Variants in ZFHX3 observed in about 807,000 individuals in gnomAD.
ZFHX3 encodes zinc finger homeobox 3, also known as zinc finger homeobox protein 3.
In ZFHX3, 42 loss-of-function variants were observed where a neutral mutation model predicts 279.1. The observed-to-expected ratio is 0.15, with a 90% confidence interval of 0.12 to 0.19. The LOEUF (loss-of-function observed/expected upper bound fraction) is 0.19, where lower values mean the gene tolerates loss of function less well. ZFHX3 is among the 10% of genes least tolerant of loss of function. ZFHX3 has a pLI of 1.00. For missense variants in ZFHX3, 4,981 were observed against 4,754.0 expected (o/e 1.05, Z -1.40); for synonymous variants, 2,293 against 1,957.8 (o/e 1.17, Z -4.52).
intron 1 of ZFHX3, among the ~76,000 whole-genome samples, chr16:73,740,881 G>T (rs1016249292): frequency 1.3e-5 from 2 of 152,182 alleles, no homozygotes; most frequent in African/African-American, 4.8e-5. Flanking sequence ...GCCTTCACTT[G>T]AGGGACACCC....
chr16:72,882,814 C>T (rs1422427040), intron 4 of ZFHX3, among the ~76,000 whole-genome samples: 3 of 152,058 alleles, frequency 2.0e-5, no homozygotes, highest in South Asian at 2.1e-4. Context: ...CTGGTATCGA[C>T]GTAATTTCCC....
intron 1 of ZFHX3, among the ~76,000 whole-genome samples, chr16:73,700,197 G>A (rs1030898794): frequency 2.0e-5 from 3 of 152,030 alleles, no homozygotes; most frequent in Admixed American, 2.0e-4. Context: ...CTCCAACCTG[G>A]GAAACAGAGA....
At position 72,798,281 on chromosome 16, in the gene ZFHX3, C is replaced by T. The variant is rs1178223942; in HGVS notation, c.4401G>A (p.Leu1467=). 4 of 1,614,192 alleles carry T rather than the reference C, an allele frequency of 2.5e-6. No homozygotes were observed. The highest frequency in any genetic ancestry group is 3.4e-6 in the Non-Finnish European group (4 of 1,180,040). ...TTGCCAGGAGGTCCCCATTGGCCAG[C>T]AGGCCACCATAAAGCTGTTGGATGT... ...EADIQQLYGG[L]LANGDLLAMG... Residue 1467 remains leucine, a synonymous_variant, in exon 9 of 10, where the codon CTG becomes CTA. Coordinates refer to ENST00000268489, the MANE Select transcript of ZFHX3 (RefSeq NM_006885.4).
intron 2 of ZFHX3, among the ~76,000 whole-genome samples, chr16:73,481,652 G>T (rs74944288): frequency 8.8e-5 from 8 of 90,520 alleles, no homozygotes; most frequent in Non-Finnish European, 1.4e-4. Context: ...GTTTGTTTTT[G>T]TTTGTTTGTT....
At chr16:73,239,530 G>T (rs1458344232) in intron 5 of ZFHX3, among the ~76,000 whole-genome samples, 2 of 152,154 alleles carry the variant, frequency 1.3e-5, no homozygotes, top group Non-Finnish European at 2.9e-5. Context: ...CTTTTTACCT[G>T]GGTAGGTTTG....
At chr16:73,657,977 G>A (rs186632533) in intron 2 of ZFHX3, among the ~76,000 whole-genome samples, 4 of 152,280 alleles carry the variant, frequency 2.6e-5, no homozygotes, top group African/African-American at 7.2e-5. Flanking sequence ...TGGAATTAAT[G>A]CTAATATTTT....
chr16:73,686,902 C>T lies in ZFHX3; in HGVS notation c.-1607-6662G>A, dbSNP rs572426586. Among the ~76,000 whole-genome samples, 3 of 150,990 alleles carry T rather than the reference C, an allele frequency of 2.0e-5. No individual in the cohort carries two copies. The East Asian group carries it at 5.9e-4, about 30-fold the overall frequency. On this transcript the variant is annotated intron_variant, in intron 1 of 17. Coordinates refer to the ZFHX3 transcript ENST00000641206. ...CTGGTCTTGGTTCACCCTGTATTCACCACCCTTGCCAGAATGGAACCCTTT... is the reference window on the plus strand; with the variant it reads ...CTGGTCTTGGTTCACCCTGTATTCATCACCCTTGCCAGAATGGAACCCTTT...
chr16:73,088,842 T>G (rs1966039771), intron 8 of ZFHX3, among the ~76,000 whole-genome samples: 1 of 152,204 alleles, frequency 6.6e-6, no homozygotes, highest in African/African-American at 2.4e-5. Flanking sequence ...CCATGCCCAC[T>G]ACTCATTGGA....
chr16:73,549,775 T>C (rs548604718), intron 2 of ZFHX3, among the ~76,000 whole-genome samples: 1 of 152,222 alleles, frequency 6.6e-6, no homozygotes, highest in Non-Finnish European at 1.5e-5. Flanking sequence ...GCAGAAAATA[T>C]TCACCACAAC....
chr16:73,819,130 T>C (rs1031024487), intron 1 of ZFHX3, among the ~76,000 whole-genome samples: 3 of 151,966 alleles, frequency 2.0e-5, no homozygotes, highest in Non-Finnish European at 4.4e-5. Flanking sequence ...CAATTACCAA[T>C]GGCATAGCAA....
At chr16:73,148,523 C>G (rs932301599) in intron 5 of ZFHX3, among the ~76,000 whole-genome samples, 1 of 146,786 alleles carries the variant, frequency 6.8e-6, no homozygotes, top group Non-Finnish European at 1.5e-5. Flanking sequence ...AAAGAATGGC[C>G]GCAAATGCGC....
In ZFHX3 at chr16:73,334,810, C is replaced by CCT. The variant is rs1555510772; in HGVS notation, c.-1290-16475_-1290-16474insAG. ...TCTTTTCCTCCTTTTCTTTCTCATT[C>CCT]TTTTTTTTTTTTTTTTTTTTTTTTT... On this transcript the variant is annotated intron_variant, in intron 3 of 17. Transcript: ENST00000641206. Among the ~76,000 whole-genome samples, 88 of 57,914 alleles carry CCT rather than the reference C, an allele frequency of 1.5e-3. 4 individuals are homozygous for CCT. The highest frequency in any genetic ancestry group is 0.019 in the Middle Eastern group (1 of 52). 38.0% of individuals were successfully genotyped at this position (57,914 alleles called of 152,430 possible). A position where few individuals can be genotyped will look rare whatever the true frequency, so the allele number is the denominator to read the frequency against.
At chr16:73,475,902 C>T (rs2018757505) in intron 2 of ZFHX3, among the ~76,000 whole-genome samples, 1 of 151,970 alleles carries the variant, frequency 6.6e-6, no homozygotes, top group Non-Finnish European at 1.5e-5. Flanking sequence ...ACTTATGATT[C>T]CAAATCATAG....
At position 72,999,293 on chromosome 16, in the gene ZFHX3, G is replaced by C. The variant is rs1963406579; in HGVS notation, c.-49-39099C>G. Reference sequence around the variant, plus strand: ...CTGCCTCAGCCTCCTGAGTAGCTGGGATTATAGGCACATGCCGCCACACCC... The same window carrying C: ...CTGCCTCAGCCTCCTGAGTAGCTGGCATTATAGGCACATGCCGCCACACCC... On this transcript the variant is annotated intron_variant, in intron 1 of 9. Transcript: ENST00000268489. Among the ~76,000 whole-genome samples, 3 of 152,186 alleles carry C rather than the reference G, an allele frequency of 2.0e-5. No homozygotes were observed. In the South Asian group the frequency reaches 6.2e-4, roughly 32 times the overall value.
intron 4 of ZFHX3, 112 bp from the exon 5 acceptor site, chr16:72,829,971 C>T: frequency 2.7e-6 from 3 of 1,119,266 alleles, no homozygotes; most frequent in Non-Finnish European, 3.9e-6. Flanking sequence ...TGACTCGTCC[C>T]CCTTCTCTTT....
rs533993712 is a variant in ZFHX3, at chr16:73,627,858, C to G, written c.-1547+52322G>C. On this transcript the variant is annotated intron_variant, in intron 2 of 17. Coordinates refer to the ZFHX3 transcript ENST00000641206. ...ACTTGAACCCAGGAGGTGGAGGTTA[C>G]AGTGAGCCGAGACTGTGCCACTGCA... Among the ~76,000 whole-genome samples, 655 of 152,286 alleles carry G rather than the reference C, an allele frequency of 4.3e-3. 6 individuals are homozygous for G. The highest frequency in any genetic ancestry group is 7.8e-3 in the Non-Finnish European group (532 of 68,026).
intron 1 of ZFHX3, among the ~76,000 whole-genome samples, chr16:72,983,782 A>G (rs1962725586): frequency 6.6e-6 from 1 of 151,996 alleles, no homozygotes; most frequent in South Asian, 2.1e-4. Context: ...CACATGTCAA[A>G]CACCATTCCT....
chr16:73,126,273 C>G (rs1225764646), intron 7 of ZFHX3, among the ~76,000 whole-genome samples: 1 of 152,078 alleles, frequency 6.6e-6, no homozygotes, highest in East Asian at 1.9e-4. Flanking sequence ...ACTAACAAAG[C>G]AGGGAGCAAC....
At chr16:73,834,935 C>A (rs981054727) in intron 1 of ZFHX3, among the ~76,000 whole-genome samples, 10 of 151,982 alleles carry the variant, frequency 6.6e-5, no homozygotes, top group Non-Finnish European at 1.3e-4. Flanking sequence ...CACATATACT[C>A]CATTTAACAG....
Sources: allele counts gnomAD v4.1 joint callset (sites outside exome capture counted in the v4.1 genomes callset), GRCh38; gene constraint gnomAD v4.1.1; transcripts MANE v1.5; gene names NCBI Gene and HGNC (gene_info 2026-07-23, HGNC 2026-07-21).